The following VPS13B variants were observed in gnomAD, a reference collection of about 807,000 sequenced individuals.
VPS13B encodes vacuolar protein sorting 13 homolog B.
Under a neutral mutation model 426.4 loss-of-function variants are expected in VPS13B, and 285 were observed. That is an observed-to-expected ratio of 0.67 (90% confidence interval 0.61 to 0.74). The LOEUF (loss-of-function observed/expected upper bound fraction) is 0.74. Among genes scored for constraint, VPS13B ranks in the 30% least tolerant of loss-of-function variants. The pLI is 0.00. For synonymous variants in VPS13B, 1,676 were observed against 1,676.4 expected (o/e 1.00, Z 0.01); for missense variants, 4,537 against 4,782.6 (o/e 0.95, Z 1.51).
chr8:99,247,902 C>A (rs1005846011), intron 17 of VPS13B, among the ~76,000 whole-genome samples: 6 of 152,074 alleles, frequency 3.9e-5, no homozygotes, highest in African/African-American at 7.2e-5. Flanking sequence ...TCTTTATATG[C>A]ATTGGTAATG....
At chr8:99,730,620 TGAGA>T (rs1008679411) in intron 39 of VPS13B, among the ~76,000 whole-genome samples, 1 of 152,038 alleles carries the variant, frequency 6.6e-6, no homozygotes, top group Non-Finnish European at 1.5e-5. Flanking sequence ...GGCTAAATGC[TGAGA>T]GAGAGACACA....
chr8:99,457,926 A>G (rs1226125280), intron 23 of VPS13B, among the ~76,000 whole-genome samples: 1 of 151,416 alleles, frequency 6.6e-6, no homozygotes, highest in Non-Finnish European at 1.5e-5. Context: ...TCTTTTTTTT[A>G]TATATATACT....
At chr8:99,793,254 C>CATATATACAT (rs1554959572) in intron 43 of VPS13B, among the ~76,000 whole-genome samples, 3 of 107,032 alleles carry the variant, frequency 2.8e-5, no homozygotes, top group African/African-American at 1.1e-4. Context: ...TTGCCCTCTC[C>CATATATACAT]ATATATATAT....
chr8:99,588,335 T>C (rs985271797), intron 33 of VPS13B, among the ~76,000 whole-genome samples: 3 of 151,894 alleles, frequency 2.0e-5, no homozygotes, highest in African/African-American at 7.3e-5. Context: ...TTTAAAGTAG[T>C]TTTTTCCAAT....
intron 61 of VPS13B, among the ~76,000 whole-genome samples, chr8:99,872,474 C>T (rs766335861): frequency 2.6e-5 from 4 of 152,060 alleles, no homozygotes; most frequent in Admixed American, 2.0e-4. Flanking sequence ...GGAACAGATG[C>T]GCAGGCAAGG....
In VPS13B at chr8:99,013,294, G is replaced by A; in HGVS notation, c.-83G>A. The A allele has an allele frequency of 4.2e-6, 1 of 240,366 alleles. No individual in the cohort carries two copies. Among genetic ancestry groups the A allele is most frequent in the East Asian group, 1.1e-4 (1 of 9,396 alleles). The allele number at this position is 240,366 out of a possible 1,614,324, so 14.9% of individuals were successfully genotyped here. A position where few individuals can be genotyped will look rare whatever the true frequency, so the allele number is the denominator to read the frequency against. On this transcript the variant is annotated 5_prime_UTR_variant, in exon 1 of 62. Transcript: ENST00000357162. The stretch of plus-strand genomic sequence containing the variant: ...GCGGTACAGGAGCAGCACTGCCGGC[G>A]GGGGCGGGTGCCAGGGACTTGGAGG...
intron 31 of VPS13B, among the ~76,000 whole-genome samples, chr8:99,574,419 TATG>T (rs1253164611): frequency 2.0e-5 from 3 of 152,212 alleles, no homozygotes; most frequent in Non-Finnish European, 4.4e-5. Flanking sequence ...GCCCATTCAG[TATG>T]ATATTGGCTT....
chr8:99,340,449 C>T (rs144365595), intron 19 of VPS13B: 1 of 485,798 alleles, frequency 2.1e-6, no homozygotes, highest in African/African-American at 2.0e-5. Flanking sequence ...CCTTCAGATT[C>T]TTCTCAGACT....
chr8:99,690,640 A>G (rs1831615806), intron 35 of VPS13B, among the ~76,000 whole-genome samples: 1 of 152,116 alleles, frequency 6.6e-6, no homozygotes, highest in Admixed American at 6.5e-5. Flanking sequence ...TATCCAAAAT[A>G]TAAAAAGAAC....
chr8:99,346,003 T>A (rs1304668099), intron 19 of VPS13B: 3 of 154,340 alleles, frequency 1.9e-5, no homozygotes, highest in African/African-American at 7.2e-5. Context: ...TGGATTCAGA[T>A]AGCAGAGTGG....
intron 59 of VPS13B, among the ~76,000 whole-genome samples, chr8:99,870,095 G>GTA (rs1817314439): frequency 6.6e-6 from 1 of 152,200 alleles, no homozygotes; most frequent in African/African-American, 2.4e-5. Context: ...GTGTGCCTTT[G>GTA]TATATATCTG....
intron 16 of VPS13B, among the ~76,000 whole-genome samples, chr8:99,183,086 G>C (rs1320736394): frequency 6.6e-6 from 1 of 152,016 alleles, no homozygotes; most frequent in Non-Finnish European, 1.5e-5. Flanking sequence ...AAAAAGAGGA[G>C]GAAGACTATA....
At chr8:99,463,744 G>C (rs750756603) in intron 23 of VPS13B, among the ~76,000 whole-genome samples, 32 of 152,252 alleles carry the variant, frequency 2.1e-4, no homozygotes, top group Non-Finnish European at 4.3e-4. Flanking sequence ...CCAGGCTGGA[G>C]TGCAGTGGCA....
At chr8:99,696,170 C>A in intron 35 of VPS13B, 1 of 171,084 alleles carries the variant, frequency 5.8e-6, no homozygotes, top group South Asian at 1.4e-4. Flanking sequence ...TCGGTGCCTT[C>A]CTGTGCACAG....
chr8:99,036,078 A>G (rs1401517796), intron 2 of VPS13B, among the ~76,000 whole-genome samples: 5 of 152,058 alleles, frequency 3.3e-5, no homozygotes, highest in Non-Finnish European at 5.9e-5. Flanking sequence ...ATGGTTTGCA[A>G]ATATTTTTGT....
At chr8:99,835,975 C>G (rs1486949326) in intron 54 of VPS13B, among the ~76,000 whole-genome samples, 4 of 152,108 alleles carry the variant, frequency 2.6e-5, no homozygotes, top group African/African-American at 9.7e-5. Flanking sequence ...TAAAAGCAGG[C>G]CCATCTTGGA....
chr8:99,227,941 AT>A (rs1427798803), intron 17 of VPS13B, among the ~76,000 whole-genome samples: 2 of 152,040 alleles, frequency 1.3e-5, no homozygotes, highest in Non-Finnish European at 2.9e-5. Flanking sequence ...GCTTATTTTT[AT>A]TTTTTGATGC....
At position 99,821,489 on chromosome 8, in the gene VPS13B, T is replaced by A. The variant is rs1217059382; in HGVS notation, c.9183+7T>A. 3 of 1,613,464 alleles carry A rather than the reference T, an allele frequency of 1.9e-6. No individual in the cohort carries two copies. The highest frequency in any genetic ancestry group is 2.5e-6 in the Non-Finnish European group (3 of 1,179,602). On this transcript the variant is annotated splice_region_variant and intron_variant, in intron 50 of 61. Transcript: ENST00000357162. ...TTTTCCAGGACATCAGAAGGTAAGATCAAAGTCTATGTGGCTGGGAGGAAA... is the reference window on the plus strand; with the variant it reads ...TTTTCCAGGACATCAGAAGGTAAGAACAAAGTCTATGTGGCTGGGAGGAAA...
chr8:99,158,267 G>C (rs2132628596), intron 15 of VPS13B, among the ~76,000 whole-genome samples: 1 of 152,310 alleles, frequency 6.6e-6, no homozygotes, highest in South Asian at 2.1e-4. Flanking sequence ...GGGCACGGTG[G>C]CTCATGCCTG....
Sources: gnomAD v4.1 joint callset for allele counts (sites outside exome capture counted in the v4.1 genomes callset) on GRCh38, gnomAD v4.1.1 for gene constraint, MANE v1.5 for transcripts, NCBI Gene and HGNC (gene_info 2026-07-23, HGNC 2026-07-21) for gene names.